Variants in ZNF385D observed in about 807,000 individuals in gnomAD.
ZNF385D encodes zinc finger protein 659.
In ZNF385D, 15 loss-of-function variants were observed where a neutral mutation model predicts 35.8. The ratio of observed to expected loss-of-function variants is 0.42; its 90% CI spans 0.28 to 0.64. ZNF385D has a LOEUF of 0.64. Ranked by LOEUF, ZNF385D falls within the 30% of genes least tolerant of loss-of-function variation. The pLI is 0.23. For synonymous variants in ZNF385D, 212 were observed against 186.8 expected (o/e 1.13, Z -1.10); for missense variants, 474 against 494.6 (o/e 0.96, Z 0.39).
intron 2 of ZNF385D, among the ~76,000 whole-genome samples, chr3:22,178,497 G>C (rs1314240294): frequency 6.6e-6 from 1 of 152,184 alleles, no homozygotes; most frequent in African/African-American, 2.4e-5. Context: ...TGTCAGATGA[G>C]TAGATTGCAA....
rs749328715 is a variant in ZNF385D at position 22,361,013 on chromosome 3, A to G, written c.106+11437T>C. Among the ~76,000 whole-genome samples, 4 of 152,072 alleles carry G rather than the reference A, an allele frequency of 2.6e-5. No homozygotes were observed. The South Asian group carries it at 6.2e-4, about 24-fold the overall frequency. On this transcript the variant is annotated intron_variant, in intron 2 of 5. Coordinates refer to the ZNF385D transcript ENST00000494108. ...GATACACAAGGTCGATTATTAAAAT[A>G]TCCCATTTCATTTATGAGGAAAAAA...
chr3:22,157,309 T>C (rs1487938326), intron 3 of ZNF385D, among the ~76,000 whole-genome samples: 1 of 152,172 alleles, frequency 6.6e-6, no homozygotes, highest in Non-Finnish European at 1.5e-5. Flanking sequence ...GAATAAAATC[T>C]AGAACAATGT....
At chr3:21,493,134 C>T (rs1280161206) in intron 4 of ZNF385D, among the ~76,000 whole-genome samples, 1 of 151,978 alleles carries the variant, frequency 6.6e-6, no homozygotes, top group African/African-American at 2.4e-5. Flanking sequence ...AGTACTTCCT[C>T]CTGACTAGGA....
intron 3 of ZNF385D, among the ~76,000 whole-genome samples, chr3:21,850,991 C>G (rs1696348687): frequency 6.6e-6 from 1 of 151,404 alleles, no homozygotes; most frequent in Non-Finnish European, 1.5e-5. Flanking sequence ...GTAAAGAAGC[C>G]AGAAAATATA....
At chr3:22,124,415 A>C (rs1193547324) in intron 3 of ZNF385D, among the ~76,000 whole-genome samples, 3 of 152,150 alleles carry the variant, frequency 2.0e-5, no homozygotes, top group Non-Finnish European at 4.4e-5. Context: ...TCTTTGATAT[A>C]CTGATTTCCT....
chr3:21,568,371 C>CTAAACTTATCTTTA (rs1184936771), intron 2 of ZNF385D, among the ~76,000 whole-genome samples: 1 of 152,072 alleles, frequency 6.6e-6, no homozygotes. Flanking sequence ...ATCATTTTGT[C>CTAAACTTATCTTTA]TAAACTTATC....
Position 22,146,693 on chromosome 3 carries a change from C to T in ZNF385D, c.325+22124G>A, listed in dbSNP as rs545373242. 8.5e-5 allele frequency among the ~76,000 whole-genome samples: 13 copies of T among 152,074 alleles called. No homozygotes were observed. The South Asian group carries it at 2.7e-3, about 32-fold the overall frequency. ...ACATTATATAACACTTATGATTTTA[C>T]CTAGAAATATTGATTCTGACATTTT... On this transcript the variant is annotated intron_variant, in intron 3 of 5. Transcript: ENST00000494108.
At position 22,156,050 on chromosome 3, in the gene ZNF385D, G is replaced by T. The variant is rs192732326; in HGVS notation, c.325+12767C>A. Among the ~76,000 whole-genome samples, 26 of 152,170 alleles carry T rather than the reference G, an allele frequency of 1.7e-4. 1 individual carries two copies. The highest frequency in any genetic ancestry group is 6.6e-4 in the Admixed American group (10 of 15,246). ...CCCATGTATGACATCCTAGAGTAGGGATCCTAACACATATGTGACTTGTAT... is the reference window on the plus strand; with the variant it reads ...CCCATGTATGACATCCTAGAGTAGGTATCCTAACACATATGTGACTTGTAT... On this transcript the variant is annotated intron_variant, in intron 3 of 5. Coordinates refer to the ZNF385D transcript ENST00000494108.
chr3:21,955,104 G>A, intron 3 of ZNF385D, among the ~76,000 whole-genome samples: 1 of 152,236 alleles, frequency 6.6e-6, no homozygotes, highest in Middle Eastern at 3.4e-3. Flanking sequence ...GCATCATTGT[G>A]AAAAGGTATG....
At position 22,241,457 on chromosome 3, in the gene ZNF385D, G is replaced by T. The variant is rs1320955048; in HGVS notation, c.107-72422C>A. On this transcript the variant is annotated intron_variant, in intron 2 of 5. Coordinates refer to the ZNF385D transcript ENST00000494108. ...TTGTTTCTCGTCTGAATCACTAGGTGCTGGCCTTGCTTCATCCACTGACTC... is the reference window on the plus strand; with the variant it reads ...TTGTTTCTCGTCTGAATCACTAGGTTCTGGCCTTGCTTCATCCACTGACTC... Among the ~76,000 whole-genome samples, 3 of 151,196 alleles carry T rather than the reference G, an allele frequency of 2.0e-5. 1 individual carries two copies. Among genetic ancestry groups the T allele is most frequent in the Admixed American group, 1.3e-4 (2 of 15,206 alleles).
intron 2 of ZNF385D, among the ~76,000 whole-genome samples, chr3:22,282,627 G>A (rs762866486): frequency 6.6e-6 from 1 of 151,850 alleles, no homozygotes; most frequent in African/African-American, 2.4e-5. Flanking sequence ...TCTTAAATTT[G>A]TTGAGACTTG....
chr3:21,741,960 T>C (rs1280024649), intron 1 of ZNF385D, among the ~76,000 whole-genome samples: 1 of 152,200 alleles, frequency 6.6e-6, no homozygotes, highest in East Asian at 1.9e-4. Flanking sequence ...CAAGAGGCTA[T>C]TTGATGAAGT....
At chr3:22,087,226 C>CT (rs1491503219) in intron 3 of ZNF385D, among the ~76,000 whole-genome samples, 1 of 145,406 alleles carries the variant, frequency 6.9e-6, no homozygotes, top group Non-Finnish European at 1.5e-5. Flanking sequence ...AAGCAATAAA[C>CT]TCTTTTTTTT....
At chr3:22,108,751 G>A (rs546458820) in intron 3 of ZNF385D, among the ~76,000 whole-genome samples, 50 of 152,272 alleles carry the variant, frequency 3.3e-4, no homozygotes, top group African/African-American at 1.2e-3. Context: ...AGTGGCTCAT[G>A]CCTGCAATCC....
intron 1 of ZNF385D, among the ~76,000 whole-genome samples, chr3:21,719,454 G>T (rs79003092): frequency 1.3e-5 from 2 of 152,038 alleles, no homozygotes; most frequent in Non-Finnish European, 2.9e-5. Flanking sequence ...TCAAGCAAAG[G>T]TATCTCCAGT....
chr3:21,960,145 A>G (rs1380005592), intron 3 of ZNF385D, among the ~76,000 whole-genome samples: 1 of 151,806 alleles, frequency 6.6e-6, no homozygotes, highest in East Asian at 1.9e-4. Context: ...TGCATTCTAT[A>G]CATCCAACAA....
intron 3 of ZNF385D, among the ~76,000 whole-genome samples, chr3:22,013,930 C>G (rs540913418): frequency 6.6e-6 from 1 of 151,912 alleles, no homozygotes; most frequent in Non-Finnish European, 1.5e-5. Context: ...TGAGTTAAGA[C>G]CCTTCATCAA....
At chr3:22,316,711 A>G (rs1703907988) in intron 2 of ZNF385D, among the ~76,000 whole-genome samples, 1 of 152,234 alleles carries the variant, frequency 6.6e-6, no homozygotes, top group East Asian at 1.9e-4. Flanking sequence ...ATACAGAGTT[A>G]TATTGATAAT....
At chr3:22,255,314 A>AT (rs1391986118) in intron 2 of ZNF385D, among the ~76,000 whole-genome samples, 1 of 150,404 alleles carries the variant, frequency 6.6e-6, no homozygotes, top group Non-Finnish European at 1.5e-5. Flanking sequence ...TTTTTAACCT[A>AT]TTTTTTCCTC....
Sources: gnomAD v4.1 joint callset for allele counts (sites outside exome capture counted in the v4.1 genomes callset) on GRCh38, gnomAD v4.1.1 for gene constraint, MANE v1.5 for transcripts, NCBI Gene and HGNC (gene_info 2026-07-23, HGNC 2026-07-21) for gene names.